DHX58: variants seen among roughly 807,000 people sequenced by gnomAD.
DHX58 encodes the protein ATP-dependent RNA helicase DHX58.
DHX58 carries 51 observed loss-of-function variants against 65.0 expected under a neutral mutation model. The ratio of observed to expected loss-of-function variants is 0.78; its 90% CI spans 0.63 to 0.99. The LOEUF is 0.99. Among genes scored for constraint, DHX58 ranks in the 50% least tolerant of loss-of-function variants. DHX58 has a pLI of 0.00. For missense variants in DHX58, 773 were observed against 891.8 expected (o/e 0.87, Z 1.70); for synonymous variants, 350 against 365.0 (o/e 0.96, Z 0.47).
chr17:42,101,720 G>T lies in DHX58; in HGVS notation c.*41C>A. 1.9e-6 allele frequency: 3 copies of T among 1,601,294 alleles called. No homozygotes were observed. The Admixed American group carries it at 5.0e-5, about 27-fold the overall frequency. On this transcript the variant is annotated 3_prime_UTR_variant, in exon 14 of 14. Transcript: ENST00000251642. ...CCTGGAGTCTGCTGCAGACTCTCCC[G>T]CCCCCTACAGCCCAAACCGGGCACT... is the stretch of plus-strand genomic sequence containing the variant.
intron 6 of DHX58, among the ~76,000 whole-genome samples, chr17:42,108,783 T>C (rs2054104695): frequency 6.6e-6 from 1 of 152,146 alleles, no homozygotes; most frequent in Non-Finnish European, 1.5e-5. Context: ...GAGCCGCTGC[T>C]GAATAAAACT....
At chr17:42,107,884 G>A in intron 7 of DHX58, 89 bp from the exon 8 acceptor site, 1 of 1,572,154 alleles carries the variant, frequency 6.4e-7, no homozygotes, top group Non-Finnish European at 8.6e-7. Flanking sequence ...TCCACCCCTG[G>A]GGTGGATAGG....
Position 42,105,158 on chromosome 17 carries a change from G to T in DHX58, c.1261C>A (p.Gln421Lys). ...TCTTGGAACTTCTGGATCACTTCTT[G>T]CTGGTCCCTCTGCAGGCGGAGGGCA... ...QSTHMTQRDQ[Q>K]EVIQKFQDGT... Residue 421 changes from glutamine to lysine, a missense_variant, in exon 10 of 14, where the codon CAA becomes AAA. Coordinates refer to ENST00000251642, the MANE Select transcript of DHX58 (RefSeq NM_024119.3). 1 of 1,612,464 alleles carries T rather than the reference G, an allele frequency of 6.2e-7. No homozygotes were observed. The highest frequency in any genetic ancestry group is 1.3e-5 in the African/African-American group (1 of 74,980).
chr17:42,104,115 C>A (rs887924775), intron 11 of DHX58, among the ~76,000 whole-genome samples: 7 of 151,804 alleles, frequency 4.6e-5, no homozygotes, highest in Non-Finnish European at 1.0e-4. Context: ...CCCAGCTACT[C>A]GGGAGGCTGA....
In DHX58 at chr17:42,110,716, G is replaced by A; in HGVS notation, c.561+7C>T. ...GGCAGTGGGAGGCCCACAGGGGCCA[G>A]GCTGACCTGCAGGACGTGGTTGATG... On this transcript the variant is annotated splice_region_variant and intron_variant, in intron 5 of 13. Transcript: ENST00000251642. The A allele has an allele frequency of 6.3e-7, 1 of 1,592,330 alleles. No homozygotes were observed. The highest frequency in any genetic ancestry group is 8.6e-7 in the Non-Finnish European group (1 of 1,168,866).
chr17:42,103,430 G>C, intron 12 of DHX58, 178 bp downstream of exon 12: 1 of 766,316 alleles, frequency 1.3e-6, no homozygotes, highest in Non-Finnish European at 2.0e-6. Flanking sequence ...TAGCCTCTCT[G>C]AGCCTCTATT....
chr17:42,110,676 GT>G, intron 5 of DHX58, 46 bp downstream of exon 5: 1 of 1,530,180 alleles, frequency 6.5e-7, no homozygotes, highest in Non-Finnish European at 8.8e-7. Context: ...AGGGAGGGAA[GT>G]CCCTGGTGGG....
Position 42,111,423 on chromosome 17 carries a change from A to G in DHX58, c.243T>C (p.Ser81=), listed in dbSNP as rs1385375157. The part of the protein sequence containing the change: ...LDGRWTVTTL[S]GDMGPRAGFG... Reference sequence around the variant, plus strand: ...AGCCAGCACGTGGTCCCATGTCCCCACTCAGGGTTGTCACGGTCCAGCGTC... The same window carrying G: ...AGCCAGCACGTGGTCCCATGTCCCCGCTCAGGGTTGTCACGGTCCAGCGTC... The change falls in exon 4 of 14, where the codon AGT becomes AGC. Residue 81 remains serine, a synonymous_variant. Transcript: ENST00000251642. 4 of 1,613,978 alleles carry G rather than the reference A, an allele frequency of 2.5e-6. No individual in the cohort carries two copies. The East Asian group carries it at 8.9e-5, about 36-fold the overall frequency.
rs1341162857 is a variant in DHX58 at position 42,104,903 on chromosome 17, G to T, written c.1426C>A (p.Gln476Lys). Residue 476 changes from glutamine to lysine, a missense_variant, in exon 11 of 14, where the codon CAG becomes AAG. Gln to Lys is a moderately conservative substitution (Grantham distance 53). Transcript: ENST00000251642. ...VQARGRARAD[Q>K]SVYAFVATEG... is the part of the protein sequence containing the mutation. ...GTTGCTACAAACGCGTATACACTCT[G>T]ATCGGCCCGGGCACGGCCCCTGGCC... 2 of 1,613,976 alleles carry T rather than the reference G, an allele frequency of 1.2e-6. No individual in the cohort carries two copies. The highest frequency in any genetic ancestry group is 2.7e-5 in the African/African-American group (2 of 74,934).
Position 42,102,198 on chromosome 17 carries a change from C to T in DHX58, c.1851+18G>A, listed in dbSNP as rs113308191. ...GGGCTGAGGACTCTGGGGCCTGGGACGTGGCCTAAGCTCTTACCTCCCCAC... is the reference window on the plus strand; with the variant it reads ...GGGCTGAGGACTCTGGGGCCTGGGATGTGGCCTAAGCTCTTACCTCCCCAC... On this transcript the variant is annotated intron_variant, in intron 13 of 13. Coordinates refer to ENST00000251642, the MANE Select transcript of DHX58 (RefSeq NM_024119.3). The T allele has an allele frequency of 1.6e-3, 2,604 of 1,613,276 alleles. 4 individuals are homozygous for T. The highest frequency in any genetic ancestry group is 2.0e-3 in the Non-Finnish European group (2,327 of 1,179,280).
rs374706813 is a variant in DHX58 at position 42,110,926 on chromosome 17, G to C, written c.371-13C>G. 85 of 1,587,576 alleles carry C rather than the reference G, an allele frequency of 5.4e-5. No individual in the cohort carries two copies. In the Admixed American group the frequency reaches 8.1e-4, roughly 15 times the overall value. On this transcript the variant is annotated splice_polypyrimidine_tract_variant and intron_variant, in intron 4 of 13. Transcript: ENST00000251642. ...ATCAGGGAGAAGACTGAGGGCACAGGGGGGAAGGCTGTGACCTATGTTTGC... is the reference window on the plus strand; with the variant it reads ...ATCAGGGAGAAGACTGAGGGCACAGCGGGGAAGGCTGTGACCTATGTTTGC...
Position 42,107,780 on chromosome 17 carries a change from A to C in DHX58, c.821T>G (p.Leu274Arg). The C allele has an allele frequency of 6.3e-7, 1 of 1,582,038 alleles. No individual in the cohort carries two copies. The change falls in exon 8 of 14, where the codon CTT becomes CGT. Residue 274 changes from leucine (L) to arginine (R), a missense_variant. Transcript: ENST00000251642. ...AAGCGCATACACCCGTTGCTCCTGA[A>C]GCCCAGCCAAAGCCGCTGCGGGAAG... ...KLSEAAALAG[L>R]QEQRVYALHL...
chr17:42,105,583 C>G (rs1202136957), intron 9 of DHX58, among the ~76,000 whole-genome samples, 153 bp downstream of exon 9: 2 of 152,132 alleles, frequency 1.3e-5, no homozygotes, highest in African/African-American at 4.8e-5. Flanking sequence ...CGCCCCTCTC[C>G]CCTAGCTCCT....
At position 42,102,418 on chromosome 17, in the gene DHX58, T is replaced by C. The variant is rs113719945; in HGVS notation, c.1755-106A>G. The C allele has an allele frequency of 7.6e-4, 733 of 964,540 alleles. 4 individuals are homozygous for C. The African/African-American group carries it at 0.01, about 14-fold the overall frequency. 59.7% of individuals were successfully genotyped at this position (964,540 alleles called of 1,614,324 possible). The stretch of plus-strand genomic sequence containing the variant: ...CTGCCTGGACCTTGGGCCTTCCTGC[T>C]GGTTAAGAGGCACAGACTTCCCAGG... On this transcript the variant is annotated intron_variant, in intron 12 of 13. Coordinates refer to ENST00000251642, the MANE Select transcript of DHX58 (RefSeq NM_024119.3).
chr17:42,111,015 T>A (rs1436196778), intron 4 of DHX58, 102 bp from the exon 5 acceptor site: 11 of 1,340,908 alleles, frequency 8.2e-6, no homozygotes, highest in Non-Finnish European at 1.1e-5. Flanking sequence ...CCTTCTTCCC[T>A]TCACAACCTG....
rs2054012023 is a variant in DHX58 at position 42,103,712 on chromosome 17, C to T, written c.1650G>A (p.Glu550=). 3 of 1,613,688 alleles carry T rather than the reference C, an allele frequency of 1.9e-6. No individual in the cohort carries two copies. The highest frequency in any genetic ancestry group is 1.7e-5 in the Admixed American group (1 of 60,010). Residue 550 remains glutamate (E), a synonymous_variant, in exon 12 of 14, where the codon GAG becomes GAA. Transcript: ENST00000251642. ...AGTTGATGCAGAGTAGCTGCACGTG[C>T]TCCACTGGGAACTGCTGCCGCTGGT... ...RENQRQQFPV[E]HVQLLCINCM...
In DHX58 at chr17:42,105,132, A is replaced by G; in HGVS notation, c.1287T>C (p.Asp429=). The change falls in exon 10 of 14, where the codon GAT becomes GAC. Residue 429 remains aspartate (D), a synonymous_variant. Coordinates refer to ENST00000251642, the MANE Select transcript of DHX58 (RefSeq NM_024119.3). ...DQQEVIQKFQ[D]GTLNLLVATS... ...TGGCCACCAGAAGGTTCAGGGTTCC[A>G]TCTTGGAACTTCTGGATCACTTCTT... is the stretch of plus-strand genomic sequence containing the variant. The G allele has an allele frequency of 1.9e-6, 3 of 1,613,888 alleles. No homozygotes were observed. The highest frequency in any genetic ancestry group is 2.5e-6 in the Non-Finnish European group (3 of 1,179,942).
rs567888481 is a variant in DHX58 at position 42,101,616 on chromosome 17, G to A, written c.*145C>T. 1.3e-4 allele frequency: 140 copies of A among 1,097,386 alleles called. No individual in the cohort carries two copies. In the African/African-American group the frequency reaches 2.1e-3, roughly 16 times the overall value. The allele number at this position is 1,097,386 out of a possible 1,614,324, so 68.0% of individuals were successfully genotyped here. A position where few individuals can be genotyped will look rare whatever the true frequency, so the allele number is the denominator to read the frequency against. On this transcript the variant is annotated 3_prime_UTR_variant, in exon 14 of 14. Transcript: ENST00000251642. Reference sequence around the variant, plus strand: ...CCCTCCGGTTGTTTTCCCATTGCGGGAGCCTAAGCCAGGGTGCCCAGGACT... The same window carrying A: ...CCCTCCGGTTGTTTTCCCATTGCGGAAGCCTAAGCCAGGGTGCCCAGGACT...
At chr17:42,109,698 C>T (rs782407429) in intron 5 of DHX58, among the ~76,000 whole-genome samples, 1 of 150,636 alleles carries the variant, frequency 6.6e-6, no homozygotes, top group Non-Finnish European at 1.5e-5. Flanking sequence ...GAGTTTGAGA[C>T]AGCCTGGCCA....
Sources: gnomAD v4.1 joint callset for allele counts (sites outside exome capture counted in the v4.1 genomes callset) on GRCh38, gnomAD v4.1.1 for gene constraint, MANE v1.5 for transcripts, NCBI Gene and HGNC (gene_info 2026-07-23, HGNC 2026-07-21) for gene names.